The following OTOP2 variants were observed in gnomAD, a reference collection of about 807,000 sequenced individuals.
OTOP2 encodes the protein proton channel OTOP2.
OTOP2 carries 41 observed loss-of-function variants against 47.4 expected under a neutral mutation model. The ratio of observed to expected loss-of-function variants is 0.87; its 90% CI spans 0.67 to 1.12. The LOEUF is 1.12. Ranked by LOEUF, OTOP2 falls within the 50% of genes most tolerant of loss-of-function variation. The pLI, the probability that OTOP2 is intolerant of heterozygous loss-of-function variation, is 0.00. For missense variants in OTOP2, 721 were observed against 752.2 expected (o/e 0.96, Z 0.49); for synonymous variants, 328 against 319.6 (o/e 1.03, Z -0.28).
At chr17:74,929,548 C>T (rs2039037133) in intron 5 of OTOP2, among the ~76,000 whole-genome samples, 1 of 152,176 alleles carries the variant, frequency 6.6e-6, no homozygotes, top group Admixed American at 6.5e-5. Context: ...GCCTCAACCT[C>T]CCGTGTAGCT....
In OTOP2 at chr17:74,932,610, T is replaced by C. The variant is rs532619730; in HGVS notation, c.1519-765T>C. ...CCACCTTCCACCCAGGCCTGGCTTATAGGCTAGGGGCCACCTTCTGGGAGG... is the reference window on the plus strand; with the variant it reads ...CCACCTTCCACCCAGGCCTGGCTTACAGGCTAGGGGCCACCTTCTGGGAGG... On this transcript the variant is annotated intron_variant, in intron 6 of 6. Transcript: ENST00000331427. Among the ~76,000 whole-genome samples the C allele has an allele frequency of 7.4e-4, 112 of 152,348 alleles. 2 individuals carry two copies. Among genetic ancestry groups the C allele is most frequent in the East Asian group, 4.2e-3 (22 of 5,194 alleles).
At position 74,927,670 on chromosome 17, in the gene OTOP2, G is replaced by T. The variant is rs1484438965; in HGVS notation, c.515G>T (p.Gly172Val). ...CCACCCCTGACCCCAAACAGGTGTGGTCTCATGTTCACACTCACCACCAAC... is the reference window on the plus strand; with the variant it reads ...CCACCCCTGACCCCAAACAGGTGTGTTCTCATGTTCACACTCACCACCAAC... Reference protein sequence around the residue: ...VHVHLDLTWCGLMFTLTTNLA... With the variant: ...VHVHLDLTWCVLMFTLTTNLA... Residue 172 changes from glycine to valine, a missense_variant, in exon 5 of 7, where the codon GGT becomes GTT. Coordinates refer to ENST00000331427, the MANE Select transcript of OTOP2 (RefSeq NM_178160.3). The T allele has an allele frequency of 6.2e-7, 1 of 1,613,454 alleles. No individual in the cohort carries two copies. The highest frequency in any genetic ancestry group is 8.5e-7 in the Non-Finnish European group (1 of 1,179,728).
At position 74,933,641 on chromosome 17, in the gene OTOP2, G is replaced by A. The variant is rs2039080251; in HGVS notation, c.*96G>A. 1 of 1,338,894 alleles carries A rather than the reference G, an allele frequency of 7.5e-7. No individual in the cohort carries two copies. Among genetic ancestry groups the A allele is most frequent in the Non-Finnish European group, 1.0e-6 (1 of 996,936 alleles). The allele number at this position is 1,338,894 out of a possible 1,614,324, so 82.9% of individuals were successfully genotyped here. A position where few individuals can be genotyped will look rare whatever the true frequency, so the allele number is the denominator to read the frequency against. ...GAATGAATCCCAGCTGGTGCCATAT[G>A]ACAGCCCATTTCCTTCTGGTCCCAG... On this transcript the variant is annotated 3_prime_UTR_variant, in exon 7 of 7. Coordinates refer to ENST00000331427, the MANE Select transcript of OTOP2 (RefSeq NM_178160.3). This position sits in a 1 kb window ranked among gnomAD's most constrained non-coding sequence, Gnocchi z 4.7.
intron 3 of OTOP2, among the ~76,000 whole-genome samples, chr17:74,926,304 C>T (rs961370773): frequency 6.6e-6 from 1 of 152,204 alleles, no homozygotes; most frequent in Non-Finnish European, 1.5e-5. Flanking sequence ...GTTCAGCACA[C>T]ATGTGGCTGT....
Position 74,926,334 on chromosome 17 carries a change from T to G in OTOP2, c.450+642T>G, listed in dbSNP as rs1159034446. Among the ~76,000 whole-genome samples, 4 of 152,276 alleles carry G rather than the reference T, an allele frequency of 2.6e-5. No homozygotes were observed. In the East Asian group the frequency reaches 7.7e-4, roughly 29 times the overall value. ...GGCTGTGGCATTTATGTAGTTTTAGTCTTTCGTATTTTATGGGTTTGAAGA... is the reference window on the plus strand; with the variant it reads ...GGCTGTGGCATTTATGTAGTTTTAGGCTTTCGTATTTTATGGGTTTGAAGA... On this transcript the variant is annotated intron_variant, in intron 3 of 6. Coordinates refer to ENST00000331427, the MANE Select transcript of OTOP2 (RefSeq NM_178160.3).
chr17:74,932,068 A>ACTC lies in OTOP2; in HGVS notation c.1518+918_1518+920dup, dbSNP rs539981527. ...TGAAAGTGCATACCAATAGGAAAAC[A>ACTC]CTCCTGGTGTTTCTAGTACAACCCA... On this transcript the variant is annotated intron_variant, in intron 6 of 6. Coordinates refer to ENST00000331427, the MANE Select transcript of OTOP2 (RefSeq NM_178160.3). Among the ~76,000 whole-genome samples the ACTC allele has an allele frequency of 4.3e-4, 65 of 151,746 alleles. No individual in the cohort carries two copies. In the South Asian group the frequency reaches 0.013, roughly 31 times the overall value.
At position 74,927,800 on chromosome 17, in the gene OTOP2, TGA is replaced by T; in HGVS notation, c.643+4_643+5del. On this transcript the variant is annotated splice_donor_region_variant and intron_variant, in intron 5 of 6. Coordinates refer to ENST00000331427, the MANE Select transcript of OTOP2 (RefSeq NM_178160.3). ...GCCACGCCCGTCTCATCTCTGACCG[TGA>T]GTTTCCTCTTAATGCTGGCCCTGTG... 6.2e-7 allele frequency: 1 copy of T among 1,613,666 alleles called. No homozygotes were observed. The highest frequency in any genetic ancestry group is 8.5e-7 in the Non-Finnish European group (1 of 1,179,788).
rs1404444647 is a variant in OTOP2 at position 74,930,614 on chromosome 17, A to G, written c.979A>G (p.Ile327Val). 5.6e-6 allele frequency: 9 copies of G among 1,613,834 alleles called. No individual in the cohort carries two copies. The East Asian group carries it at 2.0e-4, about 36-fold the overall frequency. The change falls in exon 6 of 7, where the codon ATC (isoleucine) becomes GTC (valine). Residue 327 changes from isoleucine (I) to valine (V), a missense_variant. Ile to Val is a conservative substitution (Grantham distance 29). Transcript: ENST00000331427. This position sits in a 1 kb window ranked among gnomAD's most constrained non-coding sequence, Gnocchi z 4.0. Reference sequence around the variant, plus strand: ...GAGCCGCACCAGGCAGGCCCTGGTCATCTACTACAGCTTCAACATTGTCTG... The same window carrying G: ...GAGCCGCACCAGGCAGGCCCTGGTCGTCTACTACAGCTTCAACATTGTCTG... Reference protein sequence around the residue: ...DGSRTRQALVIYYSFNIVCLG... With the variant: ...DGSRTRQALVVYYSFNIVCLG...
In OTOP2 at chr17:74,930,321, G is replaced by C; in HGVS notation, c.686G>C (p.Ser229Thr). ...GTCGGAGGAGACTCCTGCCTCTGCA[G>C]CACGGCCGTCTGCCAGATCTTCCAG... ...NPVGGDSCLCSTAVCQIFQQG... is the reference protein window; with the variant it reads ...NPVGGDSCLCTTAVCQIFQQG... The change falls in exon 6 of 7, where the codon AGC becomes ACC. Residue 229 changes from serine (S) to threonine (T), a missense_variant. By Grantham distance (58) the Ser-to-Thr change is moderately conservative. Transcript: ENST00000331427. This position sits in a 1 kb window ranked among gnomAD's most constrained non-coding sequence, Gnocchi z 4.0. 1.9e-6 allele frequency: 3 copies of C among 1,614,078 alleles called. No individual in the cohort carries two copies. Among genetic ancestry groups the C allele is most frequent in the Non-Finnish European group, 2.5e-6 (3 of 1,179,974 alleles).
chr17:74,926,851 G>A (rs1169079277), intron 3 of OTOP2, among the ~76,000 whole-genome samples: 2 of 151,996 alleles, frequency 1.3e-5, no homozygotes, highest in African/African-American at 4.8e-5. Context: ...TGCCTCCTGG[G>A]TTCAAGCGAT....
intron 4 of OTOP2, 189 bp downstream of exon 4, chr17:74,927,470 G>A (rs1259733200): frequency 3.0e-5 from 30 of 1,014,804 alleles, no homozygotes; most frequent in Non-Finnish European, 3.0e-5. Flanking sequence ...GGAGGGAGTG[G>A]TGGTGGCCCC....
chr17:74,930,506 G>A lies in OTOP2; in HGVS notation c.871G>A (p.Ala291Thr), dbSNP rs367828252. The A allele has an allele frequency of 1.1e-5, 17 of 1,612,452 alleles. No individual in the cohort carries two copies. The highest frequency in any genetic ancestry group is 1.4e-5 in the Non-Finnish European group (17 of 1,178,842). Residue 291 changes from alanine (A) to threonine (T), a missense_variant, in exon 6 of 7, where the codon GCT (alanine) becomes ACT (threonine). Transcript: ENST00000331427. The surrounding 1 kb of genome is among the most constrained non-coding windows in gnomAD (Gnocchi z 4.0). ...PVSLFRETFF[A>T]GPVLGLLLFV... ...CAGCCTCTTCCGGGAGACCTTTTTT[G>A]CTGGCCCGGTTCTGGGCCTGCTGCT...
intron 6 of OTOP2, among the ~76,000 whole-genome samples, chr17:74,932,381 T>G (rs1398857269): frequency 6.6e-6 from 1 of 152,072 alleles, no homozygotes; most frequent in East Asian, 1.9e-4. Flanking sequence ...CTTAGTGAGG[T>G]CCCACTGTGA....
At chr17:74,927,819 G>A (rs576000527) in intron 5 of OTOP2, 21 bp downstream of exon 5, 1 of 1,611,870 alleles carries the variant, frequency 6.2e-7, no homozygotes, top group Admixed American at 1.7e-5. Context: ...TCTTAATGCT[G>A]GCCCTGTGGC....
chr17:74,931,901 A>G (rs1418396465), intron 6 of OTOP2, among the ~76,000 whole-genome samples: 4 of 144,070 alleles, frequency 2.8e-5, no homozygotes, highest in Non-Finnish European at 4.5e-5. Flanking sequence ...GGTTGCAGTG[A>G]GCTGAGATTG....
intron 6 of OTOP2, among the ~76,000 whole-genome samples, chr17:74,931,953 C>CA (rs5822060): frequency 0.018 from 1,539 of 83,904 alleles, 90 homozygotes; most frequent in African/African-American, 0.064. Context: ...GACACTCTGT[C>CA]AAAAAAAAAA....
intron 5 of OTOP2, among the ~76,000 whole-genome samples, chr17:74,929,765 G>A (rs1403184235): frequency 1.3e-5 from 2 of 152,186 alleles, no homozygotes; most frequent in African/African-American, 4.8e-5. Flanking sequence ...CCCAGTCTCT[G>A]GCACACAGTA....
chr17:74,928,111 G>A (rs2039026275), intron 5 of OTOP2: 1 of 281,306 alleles, frequency 3.6e-6, no homozygotes, highest in Admixed American at 5.1e-5. Flanking sequence ...GGAAGGCTAA[G>A]GCAGACCAAT....
chr17:74,927,689 C>T lies in OTOP2; in HGVS notation c.534C>T (p.Thr178=). ...LTWCGLMFTL[T]TNLAIWMAAV... ...GGTGTGGTCTCATGTTCACACTCAC[C>T]ACCAACCTGGCCATCTGGATGGCGG... Residue 178 remains threonine (T), a synonymous_variant, in exon 5 of 7, where the codon ACC becomes ACT. Transcript: ENST00000331427. 1.2e-6 allele frequency: 2 copies of T among 1,614,064 alleles called. No homozygotes were observed. Among genetic ancestry groups the T allele is most frequent in the Non-Finnish European group, 1.7e-6 (2 of 1,179,952 alleles).
Sources: allele counts gnomAD v4.1 joint callset (sites outside exome capture counted in the v4.1 genomes callset), GRCh38; gene constraint gnomAD v4.1.1; non-coding constraint Gnocchi (gnomAD v3.1); transcripts MANE v1.5; gene names NCBI Gene and HGNC (gene_info 2026-07-23, HGNC 2026-07-21).